FMN1: variants seen among roughly 807,000 people sequenced by gnomAD.
FMN1 encodes formin 1, also known as formin-1.
In FMN1, 110 loss-of-function variants were observed where a neutral mutation model predicts 132.4. The observed-to-expected ratio is 0.83, with a 90% CI of 0.71 to 0.97. The LOEUF (loss-of-function observed/expected upper bound fraction) is 0.97. FMN1 is among the 50% of genes least tolerant of loss of function. The probability of loss-of-function intolerance (pLI) is 0.00; values close to 1 mark genes in which losing one functional copy is unlikely to be tolerated. For synonymous variants in FMN1, 722 were observed against 651.7 expected (o/e 1.11, Z -1.64); for missense variants, 1,792 against 1,705.3 (o/e 1.05, Z -0.90).
chr15:32,983,323 T>C (rs569206511), intron 7 of FMN1, among the ~76,000 whole-genome samples: 28 of 152,278 alleles, frequency 1.8e-4, no homozygotes, highest in Admixed American at 1.6e-3. Flanking sequence ...ACTGTACTGA[T>C]AGAAAACATC....
intron 6 of FMN1, among the ~76,000 whole-genome samples, chr15:33,028,989 G>A (rs563167360): frequency 6.6e-6 from 1 of 152,312 alleles, no homozygotes; most frequent in South Asian, 2.1e-4. Flanking sequence ...CCTGGTTTCT[G>A]TGACAAGTAA....
In FMN1 at chr15:32,976,276, C is replaced by T. The variant is rs558053829; in HGVS notation, c.2224-6799G>A. ...GCTTTGTCACCTCTGAAAAGTGCAG[C>T]GTGAGCAGAAGAAAGGAAAGGAAAG... is the stretch of plus-strand genomic sequence containing the variant. On this transcript the variant is annotated intron_variant, in intron 7 of 20. Transcript: ENST00000616417. 8.2e-4 allele frequency among the ~76,000 whole-genome samples: 124 copies of T among 151,950 alleles called. 1 individual carries two copies. Among genetic ancestry groups the T allele is most frequent in the African/African-American group, 2.9e-3 (121 of 41,420 alleles).
intron 8 of FMN1, 111 bp from the exon 9 acceptor site, chr15:32,964,368 A>G (rs2030975990): frequency 1.3e-6 from 1 of 786,820 alleles, no homozygotes; most frequent in Non-Finnish European, 2.0e-6. Context: ...AAAAAAACAC[A>G]TAAAACTCTA....
Position 33,068,087 on chromosome 15 carries a change from G to A in FMN1, c.2044-3013C>T, listed in dbSNP as rs1161246844. ...GGTTTGTGCGATGATGTGTTCCAGGGCAACTGTGAAAAATCTGTGGAGTCT... is the reference window on the plus strand; with the variant it reads ...GGTTTGTGCGATGATGTGTTCCAGGACAACTGTGAAAAATCTGTGGAGTCT... On this transcript the variant is annotated intron_variant, in intron 5 of 20. Coordinates refer to ENST00000616417, the MANE Select transcript of FMN1 (RefSeq NM_001277313.2). The A allele has an allele frequency of 1.2e-5, 16 of 1,352,838 alleles. No homozygotes were observed. The East Asian group carries it at 1.3e-4, about 11-fold the overall frequency. 83.8% of individuals were successfully genotyped at this position (1,352,838 alleles called of 1,614,324 possible).
chr15:32,833,334 A>C (rs2058548162), intron 17 of FMN1, among the ~76,000 whole-genome samples: 1 of 152,182 alleles, frequency 6.6e-6, no homozygotes. Context: ...GGAATGTCTT[A>C]TGAAGCAGCA....
chr15:33,165,782 T>C (rs1289659211), intron 3 of FMN1, among the ~76,000 whole-genome samples: 1 of 152,112 alleles, frequency 6.6e-6, no homozygotes, highest in Non-Finnish European at 1.5e-5. Flanking sequence ...TTGATGGTAC[T>C]CTCATTTTTA....
At chr15:32,949,211 C>G (rs28435178) in intron 9 of FMN1, among the ~76,000 whole-genome samples, 14,563 of 151,692 alleles carry the variant, frequency 0.096, 772 homozygotes, top group African/African-American at 0.15. Context: ...TCATATGGTA[C>G]CAAAAAAGAG....
At chr15:32,964,666 T>C (rs542507862) in intron 8 of FMN1, among the ~76,000 whole-genome samples, 2 of 152,354 alleles carry the variant, frequency 1.3e-5, no homozygotes, top group East Asian at 1.9e-4. Flanking sequence ...AGGCTAATTC[T>C]GAAGGAGACT....
chr15:33,113,428 TTTG>T (rs202220096), intron 4 of FMN1, among the ~76,000 whole-genome samples: 1,935 of 152,248 alleles, frequency 0.013, 41 homozygotes, highest in African/African-American at 0.044. Context: ...TTACAAAATT[TTTG>T]TTGTTGTCTT....
intron 5 of FMN1, chr15:33,067,847 A>G: frequency 6.2e-7 from 1 of 1,613,518 alleles, no homozygotes; most frequent in South Asian, 1.1e-5. Context: ...TGGTTCTGAC[A>G]CATCACTGCC....
At chr15:33,040,269 G>A (rs1194023233) in intron 6 of FMN1, among the ~76,000 whole-genome samples, 3 of 152,160 alleles carry the variant, frequency 2.0e-5, no homozygotes, top group Non-Finnish European at 4.4e-5. Context: ...TAGGACTGAT[G>A]ACAGTCTCCT....
At chr15:33,116,854 G>A (rs572706112) in intron 4 of FMN1, among the ~76,000 whole-genome samples, 4 of 152,200 alleles carry the variant, frequency 2.6e-5, no homozygotes, top group African/African-American at 7.2e-5. Flanking sequence ...TAGAGAAAAT[G>A]GAAATAACAG....
chr15:32,922,539 T>C (rs549577168), intron 10 of FMN1, among the ~76,000 whole-genome samples: 1 of 152,170 alleles, frequency 6.6e-6, no homozygotes, highest in African/African-American at 2.4e-5. Flanking sequence ...GTGTAGGCTG[T>C]GTTAAGGAGA....
At chr15:32,911,695 C>A (rs760661800) in intron 10 of FMN1, among the ~76,000 whole-genome samples, 1 of 152,034 alleles carries the variant, frequency 6.6e-6, no homozygotes. Flanking sequence ...GCCACCTTCT[C>A]AAACTTAGGG....
chr15:32,881,131 T>C lies in FMN1; in HGVS notation c.3835+7041A>G, dbSNP rs572664914. On this transcript the variant is annotated intron_variant, in intron 16 of 20. Coordinates refer to ENST00000616417, the MANE Select transcript of FMN1 (RefSeq NM_001277313.2). ...AATACGGGGGAGTAAAACAGATTTA[T>C]ACTATTATTAAAACATTAAAACTTT... is the stretch of plus-strand genomic sequence containing the variant. Among the ~76,000 whole-genome samples, 66 of 152,314 alleles carry C rather than the reference T, an allele frequency of 4.3e-4. No individual in the cohort carries two copies. The South Asian group carries it at 7.3e-3, about 17-fold the overall frequency.
intron 4 of FMN1, chr15:33,149,760 C>T (rs1964370694): frequency 1.0e-6 from 1 of 981,778 alleles, no homozygotes; most frequent in Non-Finnish European, 1.2e-6. Context: ...TAAATGGCTG[C>T]ATATGTCTAT....
intron 17 of FMN1, among the ~76,000 whole-genome samples, chr15:32,832,110 T>A (rs1411593593): frequency 6.6e-6 from 1 of 152,208 alleles, no homozygotes; most frequent in East Asian, 1.9e-4. Flanking sequence ...AACACCCGTA[T>A]AACTATGGGT....
chr15:33,161,497 T>C (rs1268736562), intron 3 of FMN1, among the ~76,000 whole-genome samples: 1 of 152,140 alleles, frequency 6.6e-6, no homozygotes, highest in East Asian at 1.9e-4. Flanking sequence ...CCCCCTCCCC[T>C]TGCTCATTTA....
At chr15:32,869,376 G>A (rs1312401934) in intron 16 of FMN1, among the ~76,000 whole-genome samples, 1 of 152,202 alleles carries the variant, frequency 6.6e-6, no homozygotes, top group Non-Finnish European at 1.5e-5. Flanking sequence ...TTTACTTAAA[G>A]TAGTTAGGAA....
Sources: gnomAD v4.1 joint callset for allele counts (sites outside exome capture counted in the v4.1 genomes callset) on GRCh38, gnomAD v4.1.1 for gene constraint, MANE v1.5 for transcripts, NCBI Gene and HGNC (gene_info 2026-07-23, HGNC 2026-07-21) for gene names.